Variants in CCSER1 observed in about 807,000 individuals in gnomAD.
CCSER1 encodes coiled-coil serine rich protein 1.
Under a neutral mutation model 82.0 loss-of-function variants are expected in CCSER1, and 41 were observed. The ratio of observed to expected loss-of-function variants is 0.50; its 90% confidence interval spans 0.39 to 0.65. CCSER1 has a LOEUF of 0.65. Ranked by LOEUF, CCSER1 falls within the 30% of genes least tolerant of loss-of-function variation. CCSER1 has a pLI of 0.00. For missense variants in CCSER1, 1,119 were observed against 1,064.2 expected, an observed-to-expected ratio of 1.05 and a Z score of -0.72; for synonymous variants, 414 against 383.9, an observed-to-expected ratio of 1.08 and a Z score of -0.92.
chr4:91,281,819 T>C (rs1742931258), intron 10 of CCSER1, among the ~76,000 whole-genome samples: 1 of 152,098 alleles, frequency 6.6e-6, no homozygotes, highest in Non-Finnish European at 1.5e-5. Context: ...TTGTTCCTTG[T>C]TTGTTATAGG....
chr4:91,410,983 C>T (rs985209957), intron 10 of CCSER1, among the ~76,000 whole-genome samples: 4 of 151,860 alleles, frequency 2.6e-5, no homozygotes, highest in Admixed American at 2.0e-4. Flanking sequence ...GTCACTTCAT[C>T]CCCAACTAAA....
chr4:90,869,408 T>A (rs1187541183), intron 8 of CCSER1, among the ~76,000 whole-genome samples: 1 of 151,992 alleles, frequency 6.6e-6, no homozygotes, highest in Non-Finnish European at 1.5e-5. Flanking sequence ...TAGTTTTAGT[T>A]TTCTGCATAG....
intron 10 of CCSER1, among the ~76,000 whole-genome samples, chr4:91,361,322 A>G (rs568395659): frequency 1.3e-5 from 2 of 151,936 alleles, no homozygotes; most frequent in South Asian, 4.1e-4. Flanking sequence ...CTTTAGGAAG[A>G]AAATACCAAC....
chr4:90,203,245 C>A (rs112652683), intron 1 of CCSER1, among the ~76,000 whole-genome samples: 3 of 152,124 alleles, frequency 2.0e-5, no homozygotes, highest in African/African-American at 7.2e-5. Context: ...ATGTGCAGAA[C>A]GTGCAGGTTT....
intron 1 of CCSER1, among the ~76,000 whole-genome samples, chr4:90,295,756 A>T (rs1233762575): frequency 6.6e-6 from 1 of 152,062 alleles, no homozygotes; most frequent in East Asian, 1.9e-4. Flanking sequence ...AGTGCTCCAG[A>T]GCTTTCCCAT....
chr4:91,244,118 T>A (rs539880612), intron 10 of CCSER1, among the ~76,000 whole-genome samples: 1 of 152,132 alleles, frequency 6.6e-6, no homozygotes, highest in South Asian at 2.1e-4. Flanking sequence ...ACATTTGTGG[T>A]GGCCTGGCAG....
intron 8 of CCSER1, among the ~76,000 whole-genome samples, chr4:90,822,919 A>G (rs976742738): frequency 2.7e-4 from 41 of 152,108 alleles, no homozygotes; most frequent in African/African-American, 9.2e-4. Flanking sequence ...TTCTTTCATA[A>G]TCTTCCTCTG....
rs1193489882 is a variant in CCSER1 at position 91,021,595 on chromosome 4, C to T, written c.2173-64355C>T. 9.9e-5 allele frequency among the ~76,000 whole-genome samples: 15 copies of T among 152,138 alleles called. No individual in the cohort carries two copies. In the East Asian group the frequency reaches 2.7e-3, roughly 27 times the overall value. ...CAAAAACATTGTTTTGTGTCTTTTTCAATAGAAATATTTTATGATTTTCCA... is the reference window on the plus strand; with the variant it reads ...CAAAAACATTGTTTTGTGTCTTTTTTAATAGAAATATTTTATGATTTTCCA... On this transcript the variant is annotated intron_variant, in intron 9 of 10. Transcript: ENST00000509176.
intron 10 of CCSER1, among the ~76,000 whole-genome samples, chr4:91,121,244 C>A (rs181464667): frequency 1.5e-3 from 220 of 151,498 alleles, no homozygotes; most frequent in African/African-American, 5.1e-3. Flanking sequence ...CCTTCTCTTA[C>A]CAATTTAATT....
intron 8 of CCSER1, among the ~76,000 whole-genome samples, chr4:90,869,169 T>C (rs1475536979): frequency 6.6e-6 from 1 of 151,846 alleles, no homozygotes; most frequent in Non-Finnish European, 1.5e-5. Flanking sequence ...GTTCATTTTG[T>C]TGTTTGTTTT....
chr4:90,910,862 C>T (rs1310173382), intron 8 of CCSER1, among the ~76,000 whole-genome samples: 2 of 151,532 alleles, frequency 1.3e-5, no homozygotes, highest in Admixed American at 6.6e-5. Context: ...GAAAGCATCT[C>T]ATTAACAGGC....
At chr4:90,613,300 C>T (rs1720596172) in intron 5 of CCSER1, among the ~76,000 whole-genome samples, 1 of 152,106 alleles carries the variant, frequency 6.6e-6, no homozygotes, top group Non-Finnish European at 1.5e-5. Context: ...AGAAGCAGGG[C>T]TAGCCTCATA....
chr4:90,613,138 C>G (rs917016218), intron 5 of CCSER1, among the ~76,000 whole-genome samples: 1 of 151,946 alleles, frequency 6.6e-6, no homozygotes, highest in Admixed American at 6.6e-5. Flanking sequence ...ACATACAGTT[C>G]TTTGATACAA....
intron 9 of CCSER1, among the ~76,000 whole-genome samples, chr4:90,991,038 G>A (rs1736986749): frequency 6.6e-6 from 1 of 151,900 alleles, no homozygotes; most frequent in Non-Finnish European, 1.5e-5. Context: ...AGGTGTTGGG[G>A]CCCAGGAATT....
intron 1 of CCSER1, chr4:90,235,101 C>A (rs1028594543): frequency 6.6e-6 from 1 of 152,196 alleles, no homozygotes; most frequent in Non-Finnish European, 1.5e-5. Flanking sequence ...TAAATGAACT[C>A]TTGCTGCTGC....
At chr4:90,384,026 A>G (rs1749622284) in intron 3 of CCSER1, among the ~76,000 whole-genome samples, 1 of 150,012 alleles carries the variant, frequency 6.7e-6, no homozygotes, top group Non-Finnish European at 1.5e-5. Context: ...ACCTCCCCAA[A>G]CTCTGGGATT....
chr4:91,436,896 G>T (rs958971583), intron 10 of CCSER1, among the ~76,000 whole-genome samples: 14 of 152,252 alleles, frequency 9.2e-5, no homozygotes, highest in Middle Eastern at 6.8e-3. Flanking sequence ...ATAACCAAAA[G>T]CCAATTAAGA....
At chr4:90,586,583 G>C (rs144308992) in intron 5 of CCSER1, among the ~76,000 whole-genome samples, 1 of 152,104 alleles carries the variant, frequency 6.6e-6, no homozygotes, top group African/African-American at 2.4e-5. Context: ...ACTAATAGAT[G>C]CATAATTGCT....
chr4:91,189,916 T>G (rs978152847), intron 10 of CCSER1, among the ~76,000 whole-genome samples: 1 of 152,224 alleles, frequency 6.6e-6, no homozygotes, highest in Admixed American at 6.5e-5. Flanking sequence ...TGAGTATTTC[T>G]TATAGCAGCA....
Sources: allele counts gnomAD v4.1 joint callset (sites outside exome capture counted in the v4.1 genomes callset), GRCh38; gene constraint gnomAD v4.1.1; transcripts MANE v1.5; gene names NCBI Gene and HGNC (gene_info 2026-07-23, HGNC 2026-07-21).